The following ADGRL2 variants were observed in gnomAD, a reference collection of about 807,000 sequenced individuals.
ADGRL2 encodes the protein adhesion G protein-coupled receptor L2.
Under a neutral mutation model 157.4 loss-of-function variants are expected in ADGRL2, and 44 were observed. The observed-to-expected ratio is 0.28, with a 90% CI of 0.22 to 0.36. ADGRL2 has a LOEUF of 0.36. Ranked by LOEUF, ADGRL2 falls within the 10% of genes least tolerant of loss-of-function variation. The probability of loss-of-function intolerance (pLI) is 1.00; values close to 1 mark genes in which losing one functional copy is unlikely to be tolerated. For synonymous variants in ADGRL2, 585 were observed against 624.7 expected, an observed-to-expected ratio of 0.94 and a Z score of 0.95; for missense variants, 1,510 against 1,768.9, an observed-to-expected ratio of 0.85 and a Z score of 2.63.
intron 3 of ADGRL2, among the ~76,000 whole-genome samples, chr1:81,920,870 AAAAC>A (rs1381348324): frequency 2.0e-5 from 3 of 151,510 alleles, no homozygotes; most frequent in Non-Finnish European, 4.4e-5. Context: ...AAGGAAAAAA[AAAAC>A]AAAAAAAAAG....
chr1:81,600,914 C>G (rs2081321175), intron 3 of ADGRL2, among the ~76,000 whole-genome samples: 1 of 152,130 alleles, frequency 6.6e-6, no homozygotes, highest in South Asian at 2.1e-4. Context: ...GATCTATCAT[C>G]TAAAGTCTTA....
chr1:81,534,801 T>C (rs1180224617), intron 2 of ADGRL2, among the ~76,000 whole-genome samples: 1 of 152,244 alleles, frequency 6.6e-6, no homozygotes, highest in African/African-American at 2.4e-5. Flanking sequence ...ATGGCTTATG[T>C]CTGAGACTAT....
intron 9 of ADGRL2, 131 bp from the exon 10 acceptor site, chr1:81,952,856 A>G: frequency 2.9e-6 from 2 of 680,392 alleles, no homozygotes; most frequent in Non-Finnish European, 5.3e-6. Context: ...GTGCAGACTC[A>G]GACTCCAGAG....
chr1:81,331,259 A>C (rs1661246678), intron 1 of ADGRL2, among the ~76,000 whole-genome samples: 1 of 152,162 alleles, frequency 6.6e-6, no homozygotes, highest in Non-Finnish European at 1.5e-5. Context: ...AGAATGCAAA[A>C]GATGATAGAG....
At chr1:81,714,713 G>T (rs908021899) in intron 1 of ADGRL2, among the ~76,000 whole-genome samples, 2 of 152,142 alleles carry the variant, frequency 1.3e-5, no homozygotes, top group African/African-American at 4.8e-5. Flanking sequence ...CAAGGGGAGA[G>T]AATTTTGAGA....
intron 3 of ADGRL2, among the ~76,000 whole-genome samples, chr1:81,668,822 G>A (rs757728548): frequency 4.6e-5 from 7 of 151,766 alleles, no homozygotes; most frequent in Admixed American, 3.3e-4. Context: ...TGCCCACCTC[G>A]GCCTCCCAAA....
At chr1:81,519,171 G>A (rs1347686559) in intron 2 of ADGRL2, among the ~76,000 whole-genome samples, 1 of 152,130 alleles carries the variant, frequency 6.6e-6, no homozygotes, top group Non-Finnish European at 1.5e-5. Flanking sequence ...TGCACTTTCT[G>A]TTATGCCACA....
chr1:81,810,745 C>T (rs962350064), intron 1 of ADGRL2, among the ~76,000 whole-genome samples: 12 of 151,578 alleles, frequency 7.9e-5, no homozygotes, highest in Admixed American at 2.0e-4. Context: ...ACTGAAGATT[C>T]GTGTACTGAA....
At chr1:81,639,754 A>T (rs908039269) in intron 3 of ADGRL2, among the ~76,000 whole-genome samples, 2 of 152,118 alleles carry the variant, frequency 1.3e-5, no homozygotes, top group Admixed American at 6.5e-5. Flanking sequence ...ACAGAATGTA[A>T]AAATATATGA....
chr1:81,914,847 C>T (rs558784186), intron 3 of ADGRL2, among the ~76,000 whole-genome samples: 59 of 152,132 alleles, frequency 3.9e-4, no homozygotes, highest in Middle Eastern at 6.8e-3. Flanking sequence ...ATTGGTATAC[C>T]TAATTGGACA....
chr1:81,814,153 C>A (rs1313163209), intron 1 of ADGRL2, among the ~76,000 whole-genome samples: 1 of 151,574 alleles, frequency 6.6e-6, no homozygotes, highest in Non-Finnish European at 1.5e-5. Flanking sequence ...TAACCATGAT[C>A]TTGGTAAATT....
chr1:81,510,067 G>T (rs2079048392), intron 2 of ADGRL2, among the ~76,000 whole-genome samples: 1 of 152,152 alleles, frequency 6.6e-6, no homozygotes, highest in Admixed American at 6.5e-5. Context: ...AAAGTTTAAT[G>T]AATGATGGTA....
At position 81,375,762 on chromosome 1, in the gene ADGRL2, C is replaced by T. The variant is rs116324559; in HGVS notation, c.-302+69253C>T. On this transcript the variant is annotated intron_variant, in intron 1 of 24. Transcript: ENST00000370721. ...CCTTAGTAAATGGAATTTCTGGACCCCCCTCCATGGGACCTTGCACTAGAT... is the reference window on the plus strand; with the variant it reads ...CCTTAGTAAATGGAATTTCTGGACCTCCCTCCATGGGACCTTGCACTAGAT... Among the ~76,000 whole-genome samples, 881 of 152,166 alleles carry T rather than the reference C, an allele frequency of 5.8e-3. 11 individuals carry two copies. The highest frequency in any genetic ancestry group is 0.019 in the African/African-American group (786 of 41,514).
chr1:81,691,826 A>T (rs2083340639), intron 3 of ADGRL2, among the ~76,000 whole-genome samples: 1 of 149,508 alleles, frequency 6.7e-6, no homozygotes, highest in South Asian at 2.1e-4. Context: ...GATTATCAAG[A>T]GTTGTGTAGG....
chr1:81,566,490 A>C (rs2080565850), intron 2 of ADGRL2, among the ~76,000 whole-genome samples: 1 of 152,188 alleles, frequency 6.6e-6, no homozygotes, highest in East Asian at 1.9e-4. Flanking sequence ...CTGAAAATGC[A>C]GGAGTCTATT....
chr1:81,313,942 A>T (rs190901037), intron 1 of ADGRL2, among the ~76,000 whole-genome samples: 219 of 152,238 alleles, frequency 1.4e-3, no homozygotes, highest in Non-Finnish European at 2.6e-3. Context: ...TCCCCAATCC[A>T]TTATAAGTAT....
chr1:81,704,603 C>T (rs1244694832), intron 1 of ADGRL2, among the ~76,000 whole-genome samples: 1 of 152,186 alleles, frequency 6.6e-6, no homozygotes, highest in African/African-American at 2.4e-5. Context: ...CTTCTTTGGT[C>T]CTCTTTCTCT....
At chr1:81,412,189 G>A (rs780595201) in intron 1 of ADGRL2, among the ~76,000 whole-genome samples, 6 of 152,134 alleles carry the variant, frequency 3.9e-5, no homozygotes, top group Non-Finnish European at 7.3e-5. Context: ...AGGTTAACAG[G>A]TAGACAGAAT....
At chr1:81,320,003 C>G (rs1007948999) in intron 1 of ADGRL2, among the ~76,000 whole-genome samples, 15 of 152,150 alleles carry the variant, frequency 9.9e-5, no homozygotes, top group African/African-American at 3.4e-4. Flanking sequence ...GAATTTCTTT[C>G]AAAATTGGAG....
Sources: gnomAD v4.1 joint callset for allele counts (sites outside exome capture counted in the v4.1 genomes callset) on GRCh38, gnomAD v4.1.1 for gene constraint, MANE v1.5 for transcripts, NCBI Gene and HGNC (gene_info 2026-07-23, HGNC 2026-07-21) for gene names.